ANKRD30A: variants seen among roughly 807,000 people sequenced by gnomAD.
ANKRD30A encodes ankyrin repeat domain 30A.
Under a neutral mutation model 166.3 loss-of-function variants are expected in ANKRD30A, and 170 were observed. The observed-to-expected ratio is 1.02, with a 90% CI of 0.90 to 1.16. ANKRD30A has a LOEUF of 1.16. ANKRD30A is among the 50% of genes most tolerant of loss of function. The pLI, the probability that ANKRD30A is intolerant of heterozygous loss-of-function variation, is 0.00. For synonymous variants in ANKRD30A, 564 were observed against 508.9 expected (o/e 1.11, Z -1.46); for missense variants, 1,630 against 1,518.0 (o/e 1.07, Z -1.23).
intron 13 of ANKRD30A, among the ~76,000 whole-genome samples, chr10:37,158,055 T>C (rs1452296498): frequency 6.6e-6 from 1 of 152,114 alleles, no homozygotes; most frequent in African/African-American, 2.4e-5. Flanking sequence ...TGGCATGACT[T>C]GGTCATCTTA....
chr10:37,246,085 A>G, the ANKRD30A span, among the ~76,000 whole-genome samples: 1 of 152,222 alleles, frequency 6.6e-6, no homozygotes, highest in African/African-American at 2.4e-5. Context: ...ACCAGAGGCA[A>G]GTCATATTCA....
intron 31 of ANKRD30A, among the ~76,000 whole-genome samples, chr10:37,209,350 G>A (rs1842157161): frequency 6.6e-6 from 1 of 152,110 alleles, no homozygotes. Context: ...TGCTTCTGGG[G>A]AGGCCTGTGG....
chr10:37,161,689 G>A (rs186588985), intron 15 of ANKRD30A, among the ~76,000 whole-genome samples: 19 of 152,240 alleles, frequency 1.2e-4, no homozygotes, highest in Admixed American at 1.2e-3. Flanking sequence ...GACTCATTAG[G>A]TTTCTCTGTT....
intron 6 of ANKRD30A, among the ~76,000 whole-genome samples, chr10:37,141,210 T>C (rs1327044019): frequency 6.6e-6 from 1 of 152,148 alleles, no homozygotes; most frequent in Non-Finnish European, 1.5e-5. Flanking sequence ...ACTTATTATG[T>C]CATGTCGTTA....
chr10:37,219,175 G>T lies in ANKRD30A; in HGVS notation c.3463G>T (p.Glu1155Ter). Residue 1155 changes from glutamate to a stop codon, truncating the protein, a stop_gained, in exon 34 of 36, where the codon GAA becomes TAA. Coordinates refer to ENST00000361713, the MANE Select transcript of ANKRD30A (RefSeq NM_052997.3). LOFTEE classifies it high-confidence loss of function. ...TCAGATGACCCTAAAACTGAAAGAG[G>T]AATCATTAACTAAAAGGGCATCTCA... is the stretch of plus-strand genomic sequence containing the variant. The part of the protein sequence containing the change: ...ELQMTLKLKE[E>*]SLTKRASQYS... 9 of 1,610,410 alleles carry T rather than the reference G, an allele frequency of 5.6e-6. No individual in the cohort carries two copies. Among genetic ancestry groups the T allele is most frequent in the Middle Eastern group, 1.7e-4 (1 of 6,040 alleles).
At chr10:37,232,310 A>T (rs1209478428) in intron 35 of ANKRD30A, among the ~76,000 whole-genome samples, 189 bp from the exon 36 acceptor site, 2 of 151,668 alleles carry the variant, frequency 1.3e-5, no homozygotes, top group Non-Finnish European at 2.9e-5. Context: ...AGTTTTTGTA[A>T]AGTGTCTATT....
chr10:37,136,551 T>G (rs1254886529), intron 5 of ANKRD30A, 56 bp from the exon 6 acceptor site: 47 of 814,006 alleles, frequency 5.8e-5, no homozygotes, highest in Non-Finnish European at 8.6e-5. Flanking sequence ...TGGTAAATGT[T>G]TTTTATAAAG....
intron 9 of ANKRD30A, among the ~76,000 whole-genome samples, 159 bp from the exon 10 acceptor site, chr10:37,149,490 CGT>C (rs1226193452): frequency 1.3e-5 from 2 of 151,930 alleles, no homozygotes; most frequent in African/African-American, 2.4e-5. Flanking sequence ...GTATTCCTGT[CGT>C]GTGTGTGTCC....
the ANKRD30A span, among the ~76,000 whole-genome samples, chr10:37,259,420 A>C: frequency 6.6e-6 from 1 of 152,250 alleles, no homozygotes; most frequent in Non-Finnish European, 1.5e-5. Context: ...GTAAAATAGC[A>C]CAACCACTTG....
At chr10:37,231,281 A>G (rs1413970552) in intron 34 of ANKRD30A, among the ~76,000 whole-genome samples, 180 bp from the exon 35 acceptor site, 1 of 152,072 alleles carries the variant, frequency 6.6e-6, no homozygotes, top group Non-Finnish European at 1.5e-5. Flanking sequence ...TTTAAGAACA[A>G]TTTAAAACCT....
chr10:37,251,406 C>T, the ANKRD30A span, among the ~76,000 whole-genome samples: 3 of 152,122 alleles, frequency 2.0e-5, no homozygotes, highest in African/African-American at 7.2e-5. Flanking sequence ...TTGAGACAAA[C>T]TGGGGTGCTG....
At chr10:37,148,647 GA>G (rs1837686652) in intron 9 of ANKRD30A, among the ~76,000 whole-genome samples, 1 of 152,018 alleles carries the variant, frequency 6.6e-6, no homozygotes, top group Non-Finnish European at 1.5e-5. Context: ...GAGACTACCA[GA>G]AGCAGGAGTC....
chr10:37,136,786 T>A, intron 6 of ANKRD30A, 115 bp downstream of exon 6: 1 of 472,864 alleles, frequency 2.1e-6, no homozygotes, highest in South Asian at 2.6e-5. Context: ...TTTACATATA[T>A]ACATATATGT....
intron 1 of ANKRD30A, among the ~76,000 whole-genome samples, chr10:37,129,653 T>C (rs1836257091): frequency 6.6e-6 from 1 of 152,186 alleles, no homozygotes; most frequent in Admixed American, 6.5e-5. Flanking sequence ...TAAAGTAATA[T>C]TCAAGCCCGA....
the ANKRD30A span, among the ~76,000 whole-genome samples, chr10:37,254,571 TGTTGA>T: frequency 6.6e-6 from 1 of 152,084 alleles, no homozygotes; most frequent in South Asian, 2.1e-4. Flanking sequence ...TTCTTTTCAC[TGTTGA>T]GTTGTAAAAG....
chr10:37,225,622 A>T (rs537649559), intron 34 of ANKRD30A, among the ~76,000 whole-genome samples: 3 of 151,916 alleles, frequency 2.0e-5, no homozygotes, highest in South Asian at 2.1e-4. Flanking sequence ...AGAGATTTTT[A>T]AAAAAATTTT....
At chr10:37,257,211 G>T in the ANKRD30A span, among the ~76,000 whole-genome samples, 1 of 151,810 alleles carries the variant, frequency 6.6e-6, no homozygotes, top group Non-Finnish European at 1.5e-5. Flanking sequence ...TCTGATGGTA[G>T]TTTTTATTTC....
the ANKRD30A span, among the ~76,000 whole-genome samples, chr10:37,253,648 TC>T: frequency 2.2e-4 from 32 of 144,688 alleles, no homozygotes; most frequent in African/African-American, 5.5e-4. Context: ...GTTTTCTTTT[TC>T]TTTTTTTTTT....
intron 24 of ANKRD30A, among the ~76,000 whole-genome samples, chr10:37,184,280 A>G (rs1840256535): frequency 7.4e-6 from 1 of 135,886 alleles, no homozygotes; most frequent in African/African-American, 2.7e-5. Flanking sequence ...GAAATGTTGA[A>G]CAAATAAATT....
Sources: allele counts gnomAD v4.1 joint callset (sites outside exome capture counted in the v4.1 genomes callset), GRCh38; gene constraint gnomAD v4.1.1; transcripts MANE v1.5; gene names NCBI Gene and HGNC (gene_info 2026-07-23, HGNC 2026-07-21).